The following CEP70 variants were observed in gnomAD, a reference collection of about 807,000 sequenced individuals.
CEP70 encodes centrosomal protein 70.
In CEP70, 70 loss-of-function variants were observed where a neutral mutation model predicts 90.9. The ratio of observed to expected loss-of-function variants is 0.77; its 90% CI spans 0.64 to 0.94. The LOEUF (loss-of-function observed/expected upper bound fraction) is 0.94, where lower values mean the gene tolerates loss of function less well. Among genes scored for constraint, CEP70 ranks in the 40% least tolerant of loss-of-function variants. The pLI is 0.00. For missense variants in CEP70, 648 were observed against 669.0 expected (o/e 0.97, Z 0.35); for synonymous variants, 220 against 228.3 (o/e 0.96, Z 0.33).
chr3:138,529,156 C>A (rs1305239554), intron 10 of CEP70, 43 bp downstream of exon 10: 1 of 1,239,554 alleles, frequency 8.1e-7, no homozygotes, highest in South Asian at 1.3e-5. Context: ...CAGAGTGAGA[C>A]CCTGTCTCAG....
chr3:138,518,210 G>A (rs1309168473), intron 11 of CEP70, among the ~76,000 whole-genome samples: 9 of 152,198 alleles, frequency 5.9e-5, no homozygotes, highest in Admixed American at 4.6e-4. Flanking sequence ...GGAGCCCACC[G>A]CAGCTCAAGG....
intron 11 of CEP70, among the ~76,000 whole-genome samples, 193 bp from the exon 12 acceptor site, chr3:138,508,737 T>A (rs565415681): frequency 0.01 from 1,414 of 141,286 alleles, 13 homozygotes; most frequent in African/African-American, 0.028. Flanking sequence ...TTAAAAAAAA[T>A]TTTTTTTTTT....
intron 6 of CEP70, among the ~76,000 whole-genome samples, chr3:138,544,953 A>G (rs1395824202): frequency 6.6e-6 from 1 of 152,208 alleles, no homozygotes; most frequent in Non-Finnish European, 1.5e-5. Flanking sequence ...AATGGGTACA[A>G]CAATACAGAT....
At chr3:138,519,448 T>C (rs897612250) in intron 11 of CEP70, among the ~76,000 whole-genome samples, 3 of 152,148 alleles carry the variant, frequency 2.0e-5, no homozygotes, top group South Asian at 4.1e-4. Flanking sequence ...TCGGGTTACC[T>C]ACAAAGGGAA....
intron 7 of CEP70, among the ~76,000 whole-genome samples, chr3:138,534,566 T>C (rs539542174): frequency 1.3e-5 from 2 of 152,246 alleles, no homozygotes; most frequent in East Asian, 1.9e-4. Flanking sequence ...GCAAATAAAA[T>C]AGTGGGAAAG....
intron 10 of CEP70, among the ~76,000 whole-genome samples, chr3:138,526,441 G>A (rs2037261561): frequency 6.6e-6 from 1 of 152,156 alleles, no homozygotes; most frequent in East Asian, 1.9e-4. Flanking sequence ...GATTACAGGT[G>A]TGAGCCACCA....
intron 5 of CEP70, 93 bp downstream of exon 5, chr3:138,570,941 A>G: frequency 9.1e-7 from 1 of 1,095,722 alleles, no homozygotes; most frequent in Non-Finnish European, 1.3e-6. Context: ...ATATTTAATC[A>G]AAATGGGAAA....
chr3:138,584,559 C>T (rs2042020981), intron 2 of CEP70, among the ~76,000 whole-genome samples: 1 of 150,410 alleles, frequency 6.6e-6, no homozygotes, highest in South Asian at 2.1e-4. Flanking sequence ...TACTAGCAAA[C>T]CAAATTCAAC....
chr3:138,518,050 T>G (rs2036220455), intron 11 of CEP70, among the ~76,000 whole-genome samples: 1 of 152,194 alleles, frequency 6.6e-6, no homozygotes, highest in Non-Finnish European at 1.5e-5. Context: ...GCACCTGGCT[T>G]GGAGGGTCCT....
At chr3:138,534,005 C>T (rs1223143077) in intron 7 of CEP70, among the ~76,000 whole-genome samples, 1 of 152,070 alleles carries the variant, frequency 6.6e-6, no homozygotes, top group Non-Finnish European at 1.5e-5. Context: ...AGGATGGTCT[C>T]GATCTCCTGA....
At chr3:138,528,117 T>A (rs2037467435) in intron 10 of CEP70, among the ~76,000 whole-genome samples, 1 of 150,182 alleles carries the variant, frequency 6.7e-6, no homozygotes, top group Non-Finnish European at 1.5e-5. Flanking sequence ...CAATCATGGC[T>A]CACTGCAGCC....
intron 6 of CEP70, among the ~76,000 whole-genome samples, chr3:138,555,887 C>T (rs1560401940): frequency 6.6e-6 from 1 of 152,174 alleles, no homozygotes; most frequent in South Asian, 2.1e-4. Flanking sequence ...GTAGAACTAC[C>T]ATTTGATCCA....
intron 2 of CEP70, among the ~76,000 whole-genome samples, chr3:138,578,813 G>A (rs1328867318): frequency 1.3e-5 from 2 of 152,130 alleles, no homozygotes; most frequent in African/African-American, 2.4e-5. Context: ...TATTGAAGGC[G>A]GAGCAAAATG....
At chr3:138,538,336 T>C (rs1189054928) in intron 6 of CEP70, among the ~76,000 whole-genome samples, 2 of 152,172 alleles carry the variant, frequency 1.3e-5, no homozygotes, top group Admixed American at 1.3e-4. Flanking sequence ...TCGCTGGGTA[T>C]GAAACCCTAG....
intron 6 of CEP70, among the ~76,000 whole-genome samples, chr3:138,562,332 C>T (rs111738424): frequency 4.4e-4 from 67 of 152,164 alleles, no homozygotes; most frequent in African/African-American, 1.6e-3. Context: ...TATAGGCCAA[C>T]ATTCAAGTTC....
intron 2 of CEP70, among the ~76,000 whole-genome samples, chr3:138,574,754 C>T (rs139625093): frequency 1.8e-4 from 28 of 152,308 alleles, no homozygotes; most frequent in Non-Finnish European, 4.1e-4. Flanking sequence ...GAGGAAAGAT[C>T]AGGCAGCAAT....
chr3:138,584,794 C>T (rs928226727), intron 2 of CEP70, among the ~76,000 whole-genome samples: 2 of 151,614 alleles, frequency 1.3e-5, no homozygotes, highest in Non-Finnish European at 2.9e-5. Context: ...ATAAAAGGAA[C>T]ATACCTCCAC....
At chr3:138,556,452 C>T (rs1285128434) in intron 6 of CEP70, among the ~76,000 whole-genome samples, 15 of 145,676 alleles carry the variant, frequency 1.0e-4, no homozygotes, top group African/African-American at 3.0e-4. Flanking sequence ...TGCTTGAACC[C>T]GGGAGGCAGA....
At chr3:138,582,492 A>T (rs1472219608) in intron 2 of CEP70, among the ~76,000 whole-genome samples, 1 of 150,804 alleles carries the variant, frequency 6.6e-6, no homozygotes, top group Admixed American at 6.6e-5. Context: ...AAAATAAAAA[A>T]TAATGAGCCA....
Sources: gnomAD v4.1 joint callset for allele counts (sites outside exome capture counted in the v4.1 genomes callset) on GRCh38, gnomAD v4.1.1 for gene constraint, MANE v1.5 for transcripts, NCBI Gene and HGNC (gene_info 2026-07-23, HGNC 2026-07-21) for gene names.